OPN3: variants seen among roughly 807,000 people sequenced by gnomAD.
OPN3 encodes the protein opsin-3.
OPN3 carries 29 observed loss-of-function variants against 33.8 expected under a neutral mutation model. The observed-to-expected ratio is 0.86, with a 90% CI of 0.64 to 1.17. The LOEUF (loss-of-function observed/expected upper bound fraction) is 1.17, where lower values mean the gene tolerates loss of function less well. Ranked by LOEUF, OPN3 falls within the 50% of genes most tolerant of loss-of-function variation. The pLI is 0.00. For missense variants in OPN3, 437 were observed against 514.1 expected, an observed-to-expected ratio of 0.85 and a Z score of 1.45; for synonymous variants, 216 against 216.1, an observed-to-expected ratio of 1.00 and a Z score of 0.00.
chr1:241,633,131 T>C (rs900094675), intron 1 of OPN3: 1 of 152,192 alleles, frequency 6.6e-6, no homozygotes, highest in Non-Finnish European at 1.5e-5. Context: ...ATTCTTTTTG[T>C]AAATTAGAAT....
chr1:241,619,213 C>T (rs1172191705), intron 1 of OPN3, among the ~76,000 whole-genome samples: 1 of 152,254 alleles, frequency 6.6e-6, no homozygotes, highest in Admixed American at 6.5e-5. Flanking sequence ...TGCTCAGTGG[C>T]TGCATATTAG....
intron 1 of OPN3, chr1:241,614,191 T>G (rs914594645): frequency 6.6e-6 from 1 of 152,004 alleles, no homozygotes; most frequent in Non-Finnish European, 1.5e-5. Flanking sequence ...AAAATTATGA[T>G]TTCAGGTAAT....
chr1:241,594,341 G>A lies in OPN3; in HGVS notation c.*87C>T. 2.1e-6 allele frequency: 3 copies of A among 1,400,970 alleles called. No individual in the cohort carries two copies. The highest frequency in any genetic ancestry group is 2.0e-6 in the Non-Finnish European group (2 of 1,017,590). The allele number at this position is 1,400,970 out of a possible 1,614,324, so 86.8% of individuals were successfully genotyped here. On this transcript the variant is annotated 3_prime_UTR_variant, in exon 4 of 4. Coordinates refer to ENST00000366554, the MANE Select transcript of OPN3 (RefSeq NM_014322.3). ...CACAAGGTTCTGTTGATATTACATA[G>A]AACGGGTATTCCAGACACTTCTTAT... is the stretch of plus-strand genomic sequence containing the variant.
At position 241,640,184 on chromosome 1, in the gene OPN3, G is replaced by A; in HGVS notation, c.71C>T (p.Pro24Leu). ...GGGGCTCAGTGTCCCCGCCGGCGCC[G>A]GCCCCTCAGCGCCCGCGGCCCCGCC... ...DGGGAAGAEG[P>L]APAGTLSPAP... Residue 24 changes from proline to leucine, a missense_variant, in exon 1 of 4, where the codon CCG becomes CTG. By Grantham distance (98) the Pro-to-Leu change is moderately conservative. Transcript: ENST00000366554. 2.1e-6 allele frequency: 3 copies of A among 1,399,376 alleles called. No homozygotes were observed. Among genetic ancestry groups the A allele is most frequent in the Non-Finnish European group, 2.8e-6 (3 of 1,082,014 alleles). The allele number at this position is 1,399,376 out of a possible 1,614,324, so 86.7% of individuals were successfully genotyped here. A position where few individuals can be genotyped will look rare whatever the true frequency, so the allele number is the denominator to read the frequency against.
rs902371146 is a variant in OPN3 at position 241,593,274 on chromosome 1, G to A, written c.*1154C>T. On this transcript the variant is annotated 3_prime_UTR_variant, in exon 4 of 4. Transcript: ENST00000366554. ...GAAGCAATTTACTAATTTATTCTTCGACTACATACTGCAGCAGAACCAGCA... is the reference window on the plus strand; with the variant it reads ...GAAGCAATTTACTAATTTATTCTTCAACTACATACTGCAGCAGAACCAGCA... 49 of 337,528 alleles carry A rather than the reference G, an allele frequency of 1.5e-4. 2 individuals carry two copies. Among genetic ancestry groups the A allele is most frequent in the South Asian group, 1.1e-3 (45 of 41,286 alleles). The allele number at this position is 337,528 out of a possible 1,614,324, so 20.9% of individuals were successfully genotyped here. A position where few individuals can be genotyped will look rare whatever the true frequency, so the allele number is the denominator to read the frequency against.
chr1:241,609,792 T>C (rs560385741), intron 1 of OPN3, among the ~76,000 whole-genome samples: 1 of 152,288 alleles, frequency 6.6e-6, no homozygotes, highest in African/African-American at 2.4e-5. Flanking sequence ...TGAAGCCTCC[T>C]TGAATTATTG....
At chr1:241,608,172 G>A (rs192969255) in intron 1 of OPN3, among the ~76,000 whole-genome samples, 28 of 152,238 alleles carry the variant, frequency 1.8e-4, no homozygotes, top group South Asian at 1.0e-3. Context: ...CATTGAATAC[G>A]ATTTAGTCTT....
Position 241,596,696 on chromosome 1 carries a change from A to G in OPN3, c.945+1050T>C, listed in dbSNP as rs553376607. Among the ~76,000 whole-genome samples, 4 of 152,288 alleles carry G rather than the reference A, an allele frequency of 2.6e-5. 1 individual carries two copies. Among genetic ancestry groups the G allele is most frequent in the African/African-American group, 9.6e-5 (4 of 41,564 alleles). On this transcript the variant is annotated intron_variant, in intron 3 of 3. Transcript: ENST00000366554. ...TAAAATTCCAATGGAGTAATTAAGC[A>G]TTATCTTTAACTTTTAAATTCTCTG...
intron 1 of OPN3, among the ~76,000 whole-genome samples, chr1:241,604,921 G>A (rs1292330050): frequency 5.3e-5 from 8 of 152,066 alleles, no homozygotes; most frequent in Non-Finnish European, 1.0e-4. Flanking sequence ...CAGATGTGGT[G>A]CCATACGCCT....
At chr1:241,607,978 A>G (rs1663887311) in intron 1 of OPN3, among the ~76,000 whole-genome samples, 1 of 152,176 alleles carries the variant, frequency 6.6e-6, no homozygotes, top group South Asian at 2.1e-4. Flanking sequence ...TCCTTTCTTT[A>G]CCTGATTAGA....
chr1:241,603,409 C>T (rs554430278), intron 2 of OPN3, among the ~76,000 whole-genome samples: 1 of 151,106 alleles, frequency 6.6e-6, no homozygotes, highest in Non-Finnish European at 1.5e-5. Flanking sequence ...ACCACACATA[C>T]AGGGATAGAA....
At position 241,607,560 on chromosome 1, in the gene OPN3, GAAGA is replaced by G. The variant is rs367761048; in HGVS notation, c.374-2985_374-2982del. On this transcript the variant is annotated intron_variant, in intron 1 of 3. Transcript: ENST00000366554. ...AGAGAGCAAGAAGGAAGGAAGGAAG[GAAGA>G]AAGAAAGAAAGAAAAGAAAGAAAGA... Among the ~76,000 whole-genome samples the G allele has an allele frequency of 6.9e-3, 612 of 88,150 alleles. 5 individuals carry two copies. Among genetic ancestry groups the G allele is most frequent in the African/African-American group, 0.023 (570 of 24,624 alleles). The allele number at this position is 88,150 out of a possible 152,430, so 57.8% of individuals were successfully genotyped here. A position where few individuals can be genotyped will look rare whatever the true frequency, so the allele number is the denominator to read the frequency against.
At chr1:241,634,232 C>T in intron 1 of OPN3, 1 of 1,613,896 alleles carries the variant, frequency 6.2e-7, no homozygotes. Context: ...AGAAGATGAA[C>T]ATGTCAAATG....
intron 1 of OPN3, among the ~76,000 whole-genome samples, chr1:241,606,048 G>A (rs1212002872): frequency 6.6e-6 from 1 of 152,060 alleles, no homozygotes; most frequent in African/African-American, 2.4e-5. Flanking sequence ...AGTAGAGAAT[G>A]TAAAACACGA....
At chr1:241,632,103 T>A (rs1664657581) in intron 1 of OPN3, 1 of 152,168 alleles carries the variant, frequency 6.6e-6, no homozygotes. Context: ...GGGAGATAAC[T>A]GAATCATGGA....
intron 1 of OPN3, among the ~76,000 whole-genome samples, chr1:241,612,379 TTAAC>T (rs1303468795): frequency 6.6e-6 from 1 of 152,228 alleles, no homozygotes; most frequent in African/African-American, 2.4e-5. Context: ...AAGATGCAGT[TTAAC>T]TATTTTTGTT....
At position 241,608,317 on chromosome 1, in the gene OPN3, A is replaced by G. The variant is rs960067291; in HGVS notation, c.374-3738T>C. 2.3e-4 allele frequency among the ~76,000 whole-genome samples: 35 copies of G among 152,232 alleles called. 1 individual carries two copies. Among genetic ancestry groups the G allele is most frequent in the African/African-American group, 7.5e-4 (31 of 41,456 alleles). ...TAAAATAAGCTGGTATGAGCATATC[A>G]TGTTCATATATTCATTCATTCATTT... On this transcript the variant is annotated intron_variant, in intron 1 of 3. Transcript: ENST00000366554.
chr1:241,615,759 C>A, intron 1 of OPN3: 1 of 442,516 alleles, frequency 2.3e-6, no homozygotes, highest in Non-Finnish European at 4.6e-6. Context: ...CTACTCCCAA[C>A]TGTGTGCCCT....
chr1:241,636,457 G>A (rs1023086599), intron 1 of OPN3, among the ~76,000 whole-genome samples: 4 of 152,196 alleles, frequency 2.6e-5, no homozygotes, highest in African/African-American at 7.2e-5. Context: ...TATAAACTAT[G>A]TGCATACTGC....
Sources: gnomAD v4.1 joint callset for allele counts (sites outside exome capture counted in the v4.1 genomes callset) on GRCh38, gnomAD v4.1.1 for gene constraint, MANE v1.5 for transcripts, NCBI Gene and HGNC (gene_info 2026-07-23, HGNC 2026-07-21) for gene names.